Variants in ST3GAL1 observed in about 807,000 individuals in gnomAD.
ST3GAL1 encodes the protein ST3 beta-galactoside alpha-2,3-sialyltransferase 1.
ST3GAL1 carries 16 observed loss-of-function variants against 34.1 expected under a neutral mutation model. The ratio of observed to expected loss-of-function variants is 0.47; its 90% CI spans 0.32 to 0.71. The LOEUF (loss-of-function observed/expected upper bound fraction) is 0.71. ST3GAL1 is among the 30% of genes least tolerant of loss of function. The pLI, the probability that ST3GAL1 is intolerant of heterozygous loss-of-function variation, is 0.04. For missense variants in ST3GAL1, 353 were observed against 447.4 expected (o/e 0.79, Z 1.90); for synonymous variants, 191 against 184.7 (o/e 1.03, Z -0.28).
intron 3 of ST3GAL1, among the ~76,000 whole-genome samples, chr8:133,488,868 A>AAG (rs1554613659): frequency 6.6e-6 from 1 of 151,962 alleles, no homozygotes; most frequent in African/African-American, 2.4e-5. Context: ...ACTGGCAGAC[A>AAG]GGGGGGGCCA....
chr8:133,477,448 G>T (rs1816220870), intron 3 of ST3GAL1, among the ~76,000 whole-genome samples: 1 of 152,018 alleles, frequency 6.6e-6, no homozygotes, highest in South Asian at 2.1e-4. Flanking sequence ...GACTCAAAGT[G>T]CTTAGATGAC....
intron 5 of ST3GAL1, among the ~76,000 whole-genome samples, chr8:133,472,621 C>T (rs1816011632): frequency 1.3e-5 from 2 of 152,186 alleles, no homozygotes; most frequent in African/African-American, 2.4e-5. Context: ...TTATTCAAAG[C>T]GTGTGGTTTC....
At chr8:133,507,430 G>A (rs1586627453) in intron 2 of ST3GAL1, among the ~76,000 whole-genome samples, 1 of 152,256 alleles carries the variant, frequency 6.6e-6, no homozygotes, top group East Asian at 1.9e-4. Flanking sequence ...CAGGAGGGTT[G>A]GCTTCGAGTC....
At chr8:133,493,631 G>A (rs1816850306) in intron 3 of ST3GAL1, among the ~76,000 whole-genome samples, 3 of 152,230 alleles carry the variant, frequency 2.0e-5, no homozygotes, top group South Asian at 4.1e-4. Context: ...TGGACCACAA[G>A]GTCAGGAGTT....
chr8:133,468,225 G>A (rs560831534), intron 5 of ST3GAL1, among the ~76,000 whole-genome samples: 2 of 152,276 alleles, frequency 1.3e-5, no homozygotes, highest in South Asian at 2.1e-4. Context: ...AGTCTCCAGC[G>A]ATGGATGAAT....
rs2130914016 is a variant in ST3GAL1, at chr8:133,461,023, C to G, written c.849+852G>C. 6.6e-6 allele frequency among the ~76,000 whole-genome samples: 1 copy of G among 152,168 alleles called. No individual in the cohort carries two copies. Among genetic ancestry groups the G allele is most frequent in the Admixed American group, 6.5e-5 (1 of 15,292 alleles). ...ATCGGTGGGACGATGGGAGAAAGGG[C>G]TCTTGAGCAGAACCTCAAGCAAGGG... is the stretch of plus-strand genomic sequence containing the variant. On this transcript the variant is annotated intron_variant, in intron 9 of 9. Transcript: ENST00000522652. The surrounding 1 kb of genome is among the most constrained non-coding windows in gnomAD (Gnocchi z 4.7).
At chr8:133,563,157 G>A (rs1185967332) in intron 1 of ST3GAL1, among the ~76,000 whole-genome samples, 1 of 152,026 alleles carries the variant, frequency 6.6e-6, no homozygotes, top group African/African-American at 2.4e-5. Flanking sequence ...ATCTATTACA[G>A]TGCTATCTAT....
At chr8:133,511,916 G>A (rs1817508555) in intron 2 of ST3GAL1, among the ~76,000 whole-genome samples, 2 of 152,144 alleles carry the variant, frequency 1.3e-5, no homozygotes, top group South Asian at 4.1e-4. Flanking sequence ...AGCTGGGCAT[G>A]GTGGCATGCA....
At chr8:133,477,062 T>C (rs560471014) in intron 3 of ST3GAL1, among the ~76,000 whole-genome samples, 9 of 152,332 alleles carry the variant, frequency 5.9e-5, no homozygotes, top group Admixed American at 5.9e-4. Flanking sequence ...GCTCTGCCAA[T>C]TGGCCTCAGT....
intron 2 of ST3GAL1, among the ~76,000 whole-genome samples, chr8:133,509,126 TTAAC>T (rs1312290213): frequency 6.6e-6 from 1 of 152,234 alleles, no homozygotes. Context: ...CACTCATTAA[TTAAC>T]TAATTAGTGT....
rs1209883536 is a variant in ST3GAL1 at position 133,467,592 on chromosome 8, T to G, written c.307-1502A>C. Among the ~76,000 whole-genome samples, 1 of 152,198 alleles carries G rather than the reference T, an allele frequency of 6.6e-6. No individual in the cohort carries two copies. Among genetic ancestry groups the G allele is most frequent in the Non-Finnish European group, 1.5e-5 (1 of 68,040 alleles). ...ACCCTAACTCTGGCTCTTGGAATCT[T>G]GGCCTTTGGAAAGCCCAGACCCTGG... On this transcript the variant is annotated intron_variant, in intron 5 of 9. Coordinates refer to ENST00000522652, the MANE Select transcript of ST3GAL1 (RefSeq NM_173344.3). This position sits in a 1 kb window ranked among gnomAD's most constrained non-coding sequence, Gnocchi z 4.2.
chr8:133,504,509 T>A (rs1817277277), intron 2 of ST3GAL1, among the ~76,000 whole-genome samples: 2 of 152,218 alleles, frequency 1.3e-5, no homozygotes. Context: ...GGTAGTGAAG[T>A]GGGAAGTCAA....
At chr8:133,476,157 C>G in intron 4 of ST3GAL1, 83 bp from the exon 5 acceptor site, 1 of 1,021,962 alleles carries the variant, frequency 9.8e-7, no homozygotes, top group Non-Finnish European at 1.4e-6. Context: ...AGGGAGGACA[C>G]AAGGGCCGCT....
chr8:133,482,038 A>G (rs1168538935), intron 3 of ST3GAL1, among the ~76,000 whole-genome samples: 1 of 151,908 alleles, frequency 6.6e-6, no homozygotes, highest in East Asian at 1.9e-4. Context: ...ACCTTGCGAG[A>G]CTGCCAAACA....
chr8:133,562,985 C>T (rs1294657060), intron 1 of ST3GAL1, among the ~76,000 whole-genome samples: 1 of 151,700 alleles, frequency 6.6e-6, no homozygotes, highest in Non-Finnish European at 1.5e-5. Context: ...GTCATTCCAC[C>T]CTCTCAGCTA....
intron 1 of ST3GAL1, among the ~76,000 whole-genome samples, chr8:133,557,061 C>T (rs571077807): frequency 1.2e-4 from 18 of 152,238 alleles, no homozygotes; most frequent in Admixed American, 5.2e-4. Flanking sequence ...CCAACCTCAG[C>T]GAGCCAGCCT....
intron 1 of ST3GAL1, among the ~76,000 whole-genome samples, chr8:133,563,901 G>A (rs978632453): frequency 2.6e-5 from 4 of 152,092 alleles, no homozygotes; most frequent in African/African-American, 9.7e-5. Context: ...GTGTAAGGCT[G>A]TCATCAAGGG....
chr8:133,541,030 T>TAGACATATATATATAGACATATATATGC (rs1818494101), intron 2 of ST3GAL1, among the ~76,000 whole-genome samples: 1 of 129,672 alleles, frequency 7.7e-6, no homozygotes, highest in African/African-American at 3.0e-5. Flanking sequence ...GACATATATA[T>TAGACATATATATATAGACATATATATGC]AGACATATAT....
rs1053439271 is a variant in ST3GAL1 at position 133,570,851 on chromosome 8, C to T, written c.-582+842G>A. On this transcript the variant is annotated intron_variant, in intron 1 of 9. Transcript: ENST00000522652. This position sits in a 1 kb window ranked among gnomAD's most constrained non-coding sequence, Gnocchi z 5.6. The stretch of plus-strand genomic sequence containing the variant: ...GGGGTGGCCCTGCCCCCACGCAGGT[C>T]ACACACACGAGAGACACAGGCAAGT... Among the ~76,000 whole-genome samples, 4 of 152,238 alleles carry T rather than the reference C, an allele frequency of 2.6e-5. No homozygotes were observed. The highest frequency in any genetic ancestry group is 2.0e-4 in the Admixed American group (3 of 15,284).
Sources: gnomAD v4.1 joint callset for allele counts (sites outside exome capture counted in the v4.1 genomes callset) on GRCh38, gnomAD v4.1.1 for gene constraint, Gnocchi (gnomAD v3.1) non-coding constraint, MANE v1.5 for transcripts, NCBI Gene and HGNC (gene_info 2026-07-23, HGNC 2026-07-21) for gene names.